The following PCDHGA8 variants were observed in gnomAD, a reference collection of about 807,000 sequenced individuals.
The protein encoded by PCDHGA8 is protocadherin gamma-A8.
A neutral mutation model predicts 59.2 loss-of-function variants in PCDHGA8; 45 were observed. That is an observed-to-expected ratio of 0.76 (90% CI 0.60 to 0.98). The LOEUF (loss-of-function observed/expected upper bound fraction) is 0.98, where lower values mean the gene tolerates loss of function less well. PCDHGA8 is among the 50% of genes least tolerant of loss of function. The pLI is 0.00. For missense variants in PCDHGA8, 1,257 were observed against 1,196.2 expected (o/e 1.05, Z -0.75); for synonymous variants, 531 against 519.0 (o/e 1.02, Z -0.32).
intron 3 of PCDHGA8, 99 bp from the exon 4 acceptor site, chr5:141,510,848 G>A: frequency 6.3e-7 from 1 of 1,596,080 alleles, no homozygotes. Flanking sequence ...TCAAGGCCCA[G>A]GGTGCTGTAT....
chr5:141,409,442 C>T, intron 1 of PCDHGA8: 2 of 1,613,998 alleles, frequency 1.2e-6, no homozygotes, highest in Non-Finnish European at 1.7e-6. Flanking sequence ...GGACCGAGAG[C>T]AGACACCAGA....
chr5:141,405,106 C>T, intron 1 of PCDHGA8: 1 of 1,613,964 alleles, frequency 6.2e-7, no homozygotes, highest in South Asian at 1.1e-5. Context: ...GGCTGAGGCA[C>T]TGGCACTCCT....
In PCDHGA8 at chr5:141,487,743, G is replaced by C. The variant is rs1424889718; in HGVS notation, c.2425-7064G>C. The C allele has an allele frequency of 1.9e-6, 3 of 1,559,988 alleles. No homozygotes were observed. Among genetic ancestry groups the C allele is most frequent in the Non-Finnish European group, 2.6e-6 (3 of 1,150,774 alleles). ...AGTGATGTCACCATTTTTGTAAGAG[G>C]TAACTATGTGGTAGACGCTGTGCTT... On this transcript the variant is annotated intron_variant, in intron 1 of 3. Transcript: ENST00000398604. The surrounding 1 kb of genome is among the most constrained non-coding windows in gnomAD (Gnocchi z 5.0).
intron 1 of PCDHGA8, among the ~76,000 whole-genome samples, chr5:141,454,266 C>T (rs2098785508): frequency 1.3e-5 from 2 of 152,132 alleles, no homozygotes; most frequent in African/African-American, 4.8e-5. Flanking sequence ...AAAGTAATGC[C>T]AGCAAAAACT....
intron 1 of PCDHGA8, chr5:141,422,231 T>A: frequency 3.2e-6 from 5 of 1,566,292 alleles, no homozygotes; most frequent in Non-Finnish European, 4.3e-6. Context: ...ACGACGATGT[T>A]GATCACTGTT....
chr5:141,408,540 C>A (rs201370009), intron 1 of PCDHGA8: 1 of 1,614,046 alleles, frequency 6.2e-7, no homozygotes. Flanking sequence ...GTGGAAAATC[C>A]TTTAAATATT....
intron 1 of PCDHGA8, chr5:141,423,848 G>A: frequency 1.6e-6 from 2 of 1,277,462 alleles, no homozygotes; most frequent in Non-Finnish European, 2.0e-6. Flanking sequence ...TAATCTTTCA[G>A]AACGTTTTTG....
chr5:141,459,579 T>G (rs1047850142), intron 1 of PCDHGA8, among the ~76,000 whole-genome samples: 2 of 152,212 alleles, frequency 1.3e-5, no homozygotes, highest in African/African-American at 4.8e-5. Context: ...AGAATTGTTT[T>G]GGGGGTCATA....
At position 141,431,098 on chromosome 5, in the gene PCDHGA8, A is replaced by G; in HGVS notation, c.2424+35861A>G. The G allele has an allele frequency of 6.2e-7, 1 of 1,614,260 alleles. No homozygotes were observed. The highest frequency in any genetic ancestry group is 8.5e-7 in the Non-Finnish European group (1 of 1,180,040). On this transcript the variant is annotated intron_variant, in intron 1 of 3. Transcript: ENST00000398604. This position sits in a 1 kb window ranked among gnomAD's most constrained non-coding sequence, Gnocchi z 4.8. ...ATCTAGACATTCTGATGGAGGATAA[A>G]GTGAAAATATATGGAGTAGAAGTAG...
At chr5:141,469,929 G>C (rs1208858245) in intron 1 of PCDHGA8, among the ~76,000 whole-genome samples, 1 of 152,168 alleles carries the variant, frequency 6.6e-6, no homozygotes, top group Non-Finnish European at 1.5e-5. Context: ...TCAGGAGTTT[G>C]AGACCAGCCT....
chr5:141,393,265 G>T lies in PCDHGA8; in HGVS notation c.452G>T (p.Arg151Leu), dbSNP rs755014362. 1.9e-6 allele frequency: 3 copies of T among 1,613,904 alleles called. No homozygotes were observed. Among genetic ancestry groups the T allele is most frequent in the South Asian group, 1.1e-5 (1 of 91,086 alleles). The change falls in exon 1 of 4, where the codon CGT becomes CTT. Residue 151 changes from arginine (R) to leucine (L), a missense_variant. By Grantham distance (102) the Arg-to-Leu change is moderately radical. Coordinates refer to ENST00000398604, the MANE Select transcript of PCDHGA8 (RefSeq NM_032088.2). Reference sequence around the variant, plus strand: ...AACGAAATCGCGGTTCCTGGAGCACGTTATCCACTCCCAGAAGCTGTTGAC... The same window carrying T: ...AACGAAATCGCGGTTCCTGGAGCACTTTATCCACTCCCAGAAGCTGTTGAC... ...KINEIAVPGA[R>L]YPLPEAVDPD...
intron 1 of PCDHGA8, chr5:141,424,187 A>C (rs2096804354): frequency 5.3e-6 from 1 of 188,948 alleles, no homozygotes; most frequent in African/African-American, 2.4e-5. Context: ...ACATGCACAC[A>C]CACTTATACA....
At chr5:141,398,775 C>T in intron 1 of PCDHGA8, 1 of 1,613,926 alleles carries the variant, frequency 6.2e-7, no homozygotes, top group African/African-American at 1.3e-5. Flanking sequence ...CTGCCTTGGA[C>T]GGTGGACATC....
chr5:141,453,116 GT>G (rs2098756689), intron 1 of PCDHGA8, among the ~76,000 whole-genome samples: 1 of 151,698 alleles, frequency 6.6e-6, no homozygotes, highest in Admixed American at 6.6e-5. Context: ...GTTTTGTTTT[GT>G]TTTGTTTTGT....
intron 1 of PCDHGA8, among the ~76,000 whole-genome samples, chr5:141,461,267 T>C (rs2099012147): frequency 6.6e-6 from 1 of 152,140 alleles, no homozygotes; most frequent in Admixed American, 6.6e-5. Flanking sequence ...AATGTGTAAG[T>C]GTTCTCTTTT....
chr5:141,421,854 C>CCTG (rs761444125), intron 1 of PCDHGA8: 2 of 1,613,762 alleles, frequency 1.2e-6, no homozygotes, highest in Non-Finnish European at 1.7e-6. Flanking sequence ...AGGCTGCTCA[C>CCTG]CTGCTCCTCC....
intron 1 of PCDHGA8, chr5:141,427,703 C>T (rs529490424): frequency 1.0e-6 from 1 of 957,508 alleles, no homozygotes. Flanking sequence ...CACAAGTCAG[C>T]GCCTCTGACC....
Position 141,485,244 on chromosome 5 carries a change from T to G in PCDHGA8, c.2425-9563T>G. 5 of 1,614,168 alleles carry G rather than the reference T, an allele frequency of 3.1e-6. No individual in the cohort carries two copies. Among genetic ancestry groups the G allele is most frequent in the Non-Finnish European group, 4.2e-6 (5 of 1,180,006 alleles). On this transcript the variant is annotated intron_variant, in intron 1 of 3. Transcript: ENST00000398604. This position sits in a 1 kb window ranked among gnomAD's most constrained non-coding sequence, Gnocchi z 5.7. Reference sequence around the variant, plus strand: ...ACCCTTTTGTTCCTCTTTTACCACCTGGGTTACGTTTGTGGGCAGATCCGC... The same window carrying G: ...ACCCTTTTGTTCCTCTTTTACCACCGGGGTTACGTTTGTGGGCAGATCCGC...
At chr5:141,445,294 T>G (rs1012635904) in intron 1 of PCDHGA8, among the ~76,000 whole-genome samples, 2 of 152,238 alleles carry the variant, frequency 1.3e-5, no homozygotes. Flanking sequence ...CAGGCTTCCA[T>G]TCTCTTCAGT....
Sources: gnomAD v4.1 joint callset for allele counts (sites outside exome capture counted in the v4.1 genomes callset) on GRCh38, gnomAD v4.1.1 for gene constraint, Gnocchi (gnomAD v3.1) non-coding constraint, MANE v1.5 for transcripts, NCBI Gene and HGNC (gene_info 2026-07-23, HGNC 2026-07-21) for gene names.